TMEFF2: variants seen among roughly 807,000 people sequenced by gnomAD.
TMEFF2 encodes the protein tomoregulin-2.
A neutral mutation model predicts 53.8 loss-of-function variants in TMEFF2; 28 were observed. That is an observed-to-expected ratio of 0.52 (90% CI 0.39 to 0.71). The LOEUF is 0.71. Ranked by LOEUF, TMEFF2 falls within the 30% of genes least tolerant of loss-of-function variation. TMEFF2 has a pLI of 0.00. For synonymous variants in TMEFF2, 162 were observed against 166.3 expected (o/e 0.97, Z 0.20); for missense variants, 353 against 455.2 (o/e 0.78, Z 2.04).
chr2:192,117,196 T>C (rs974390817), intron 4 of TMEFF2, among the ~76,000 whole-genome samples: 2 of 152,130 alleles, frequency 1.3e-5, no homozygotes, highest in African/African-American at 2.4e-5. Flanking sequence ...AGCACAGTGC[T>C]CTCTCAGAGT....
At chr2:192,193,649 G>C (rs1477220013) in intron 1 of TMEFF2, among the ~76,000 whole-genome samples, 1 of 151,962 alleles carries the variant, frequency 6.6e-6, no homozygotes, top group Non-Finnish European at 1.5e-5. Context: ...CAACTCCCCT[G>C]TACTACCTTG....
chr2:191,959,125 G>GA (rs1692192787), intron 7 of TMEFF2, among the ~76,000 whole-genome samples: 1 of 152,122 alleles, frequency 6.6e-6, no homozygotes, highest in Non-Finnish European at 1.5e-5. Context: ...AAGTCTGCAT[G>GA]TTTCCTTCAG....
At chr2:191,954,540 T>A (rs1033278881) in intron 8 of TMEFF2, among the ~76,000 whole-genome samples, 1 of 152,210 alleles carries the variant, frequency 6.6e-6, no homozygotes, top group African/African-American at 2.4e-5. Context: ...AAAAAATATG[T>A]GTTTCTGATG....
chr2:192,059,552 A>G (rs1341781135), intron 4 of TMEFF2, among the ~76,000 whole-genome samples: 4 of 152,178 alleles, frequency 2.6e-5, no homozygotes, highest in African/African-American at 7.2e-5. Context: ...AAAGCTTCCC[A>G]TTACTCAGGA....
intron 4 of TMEFF2, among the ~76,000 whole-genome samples, chr2:192,113,980 A>C (rs538503614): frequency 6.6e-6 from 1 of 151,958 alleles, no homozygotes; most frequent in Non-Finnish European, 1.5e-5. Context: ...TCTATGCTTT[A>C]ATAACATTGA....
intron 5 of TMEFF2, among the ~76,000 whole-genome samples, chr2:192,041,611 T>G (rs911900072): frequency 2.9e-4 from 44 of 152,162 alleles, no homozygotes; most frequent in African/African-American, 1.1e-3. Flanking sequence ...TCCACTCCTA[T>G]GTATATACCC....
intron 5 of TMEFF2, among the ~76,000 whole-genome samples, chr2:192,012,801 TATA>T (rs1686661936): frequency 6.6e-6 from 1 of 152,188 alleles, no homozygotes; most frequent in Admixed American, 6.5e-5. Context: ...AAATACTCAT[TATA>T]ATGTTAGGAA....
intron 4 of TMEFF2, chr2:192,177,237 A>C (rs1346885613): frequency 6.6e-6 from 1 of 151,208 alleles, no homozygotes; most frequent in Non-Finnish European, 1.5e-5. Context: ...TACGAATTCT[A>C]CAAAAATACA....
intron 4 of TMEFF2, among the ~76,000 whole-genome samples, chr2:192,105,284 C>T (rs1689120433): frequency 1.3e-5 from 2 of 151,818 alleles, no homozygotes; most frequent in South Asian, 4.1e-4. Flanking sequence ...CACATTTCCC[C>T]CTTATGTAAT....
intron 4 of TMEFF2, among the ~76,000 whole-genome samples, chr2:192,136,602 A>G (rs61544772): frequency 0.017 from 2,596 of 152,292 alleles, 89 homozygotes; most frequent in African/African-American, 0.059. Flanking sequence ...TGACCAAAAC[A>G]TAGGTAGATT....
At chr2:191,983,573 G>T (rs938374489) in intron 7 of TMEFF2, among the ~76,000 whole-genome samples, 8 of 152,240 alleles carry the variant, frequency 5.3e-5, no homozygotes, top group African/African-American at 1.4e-4. Context: ...AGATGACAGT[G>T]CCTGGTAGAA....
intron 4 of TMEFF2, among the ~76,000 whole-genome samples, chr2:192,086,768 C>T (rs78567534): frequency 1.3e-5 from 2 of 151,984 alleles, no homozygotes; most frequent in African/African-American, 4.8e-5. Flanking sequence ...TGTTTTTGGC[C>T]TACATGCAAC....
chr2:192,050,145 G>T (rs1217155672), intron 5 of TMEFF2, among the ~76,000 whole-genome samples: 1 of 152,178 alleles, frequency 6.6e-6, no homozygotes, highest in Non-Finnish European at 1.5e-5. Flanking sequence ...ATATAAAATA[G>T]AAATTACATG....
At chr2:192,034,424 A>G (rs1311565980) in intron 5 of TMEFF2, among the ~76,000 whole-genome samples, 1 of 151,976 alleles carries the variant, frequency 6.6e-6, no homozygotes, top group African/African-American at 2.4e-5. Context: ...CTCCATGGGG[A>G]AAAAAAATCA....
intron 7 of TMEFF2, among the ~76,000 whole-genome samples, chr2:191,958,910 T>C (rs546058795): frequency 3.2e-4 from 48 of 152,318 alleles, no homozygotes; most frequent in African/African-American, 9.6e-4. Flanking sequence ...AAAACCTGAA[T>C]ATATAACCAC....
chr2:192,176,765 T>A (rs2106030209), intron 4 of TMEFF2: 1 of 151,374 alleles, frequency 6.6e-6, no homozygotes, highest in South Asian at 2.1e-4. Context: ...TGGGTTAAGC[T>A]TAAATTATTT....
At position 192,191,950 on chromosome 2, in the gene TMEFF2, G is replaced by C. The variant is rs1406653334; in HGVS notation, c.212C>G (p.Thr71Ser). Reference sequence around the variant, plus strand: ...TTCCCCATCAAATTTACAGGTGTTGGTGTCACAGAGGAAGAGATCATTTTC... The same window carrying C: ...TTCCCCATCAAATTTACAGGTGTTGCTGTCACAGAGGAAGAGATCATTTTC... ...DRENDLFLCDTNTCKFDGECL... is the reference protein window; with the variant it reads ...DRENDLFLCDSNTCKFDGECL... The change falls in exon 2 of 10, where the codon ACC becomes AGC. Residue 71 changes from threonine to serine, a missense_variant. This residue lies in a region of TMEFF2 where 294 missense variants were observed against 397.3 expected (regional missense o/e 0.74). Coordinates refer to ENST00000272771, the MANE Select transcript of TMEFF2 (RefSeq NM_016192.4). 1 of 1,613,468 alleles carries C rather than the reference G, an allele frequency of 6.2e-7. No homozygotes were observed. The highest frequency in any genetic ancestry group is 8.5e-7 in the Non-Finnish European group (1 of 1,179,574).
chr2:192,131,639 C>T (rs1370177201), intron 4 of TMEFF2, among the ~76,000 whole-genome samples: 2 of 152,084 alleles, frequency 1.3e-5, no homozygotes, highest in Non-Finnish European at 2.9e-5. Flanking sequence ...CAAGAAACCC[C>T]CATCCCTTCT....
chr2:192,126,549 T>A (rs1689683344), intron 4 of TMEFF2, among the ~76,000 whole-genome samples: 1 of 152,216 alleles, frequency 6.6e-6, no homozygotes, highest in African/African-American at 2.4e-5. Context: ...ACTGACTGTA[T>A]TTTTTAGGTT....
Sources: gnomAD v4.1 joint callset for allele counts (sites outside exome capture counted in the v4.1 genomes callset) on GRCh38, gnomAD v4.1.1 for gene constraint, gnomAD v4.1.1 regional missense constraint, MANE v1.5 for transcripts, NCBI Gene and HGNC (gene_info 2026-07-23, HGNC 2026-07-21) for gene names.